UNC79: variants seen among roughly 807,000 people sequenced by gnomAD.
The protein encoded by UNC79 is unc-79 subunit of NALCN channel complex.
In UNC79, 37 loss-of-function variants were observed where a neutral mutation model predicts 283.1. The observed-to-expected ratio is 0.13, with a 90% CI of 0.10 to 0.17. The LOEUF (loss-of-function observed/expected upper bound fraction) is 0.17. Among genes scored for constraint, UNC79 ranks in the 10% least tolerant of loss-of-function variants. The pLI is 1.00. For missense variants in UNC79, 2,272 were observed against 3,211.1 expected, an observed-to-expected ratio of 0.71 and a Z score of 7.07; for synonymous variants, 1,107 against 1,200.2, an observed-to-expected ratio of 0.92 and a Z score of 1.61.
At chr14:93,441,277 A>G (rs1281232021) in intron 1 of UNC79, among the ~76,000 whole-genome samples, 1 of 151,894 alleles carries the variant, frequency 6.6e-6, no homozygotes, top group African/African-American at 2.4e-5. Context: ...TGTTTGCCTG[A>G]TATATCTTTT....
chr14:93,390,885 A>G (rs2054869642), intron 1 of UNC79, among the ~76,000 whole-genome samples: 1 of 152,158 alleles, frequency 6.6e-6, no homozygotes. Flanking sequence ...TATCTCCTCA[A>G]TTTATCTGTA....
intron 1 of UNC79, among the ~76,000 whole-genome samples, chr14:93,459,442 T>G (rs1273541479): frequency 1.3e-5 from 2 of 152,248 alleles, no homozygotes; most frequent in Non-Finnish European, 2.9e-5. Flanking sequence ...GCAGTTTTAC[T>G]TAGTGAAATA....
Position 93,630,394 on chromosome 14 carries a change from C to T in UNC79, c.5609-407C>T, listed in dbSNP as rs57864094. Reference sequence around the variant, plus strand: ...GAGGAATTTTCTATATAAATTGAGACGCAAATGATAAGTAGGAAATTGTCA... The same window carrying T: ...GAGGAATTTTCTATATAAATTGAGATGCAAATGATAAGTAGGAAATTGTCA... On this transcript the variant is annotated intron_variant, in intron 30 of 48. Coordinates refer to ENST00000555664, the Ensembl canonical transcript of UNC79. 7.3e-3 allele frequency among the ~76,000 whole-genome samples: 1,104 copies of T among 152,240 alleles called. 7 individuals carry two copies. Among genetic ancestry groups the T allele is most frequent in the African/African-American group, 0.022 (914 of 41,534 alleles).
At position 93,416,538 on chromosome 14, in the gene UNC79, T is replaced by C. The variant is rs572247852; in HGVS notation, c.-350-51133T>C. ...GAGTTCTGTAGATGTCTATTAGGTC[T>C]GCTTGGTGCAGAGCTGAGTTCAATT... On this transcript the variant is annotated intron_variant, in intron 1 of 49. Coordinates refer to the UNC79 transcript ENST00000256339. Among the ~76,000 whole-genome samples the C allele has an allele frequency of 9.0e-4, 137 of 152,328 alleles. 3 individuals carry two copies. Among genetic ancestry groups the C allele is most frequent in the Admixed American group, 3.1e-3 (47 of 15,304 alleles).
At chr14:93,585,840 A>G (rs2064182024) in intron 20 of UNC79, among the ~76,000 whole-genome samples, 1 of 150,602 alleles carries the variant, frequency 6.6e-6, no homozygotes, top group Admixed American at 6.6e-5. Context: ...CATGGGATAA[A>G]CCTCTTCAGT....
In UNC79 at chr14:93,690,388, G is replaced by A. The variant is rs985500507; in HGVS notation, c.7272+85G>A. 1 of 1,450,776 alleles carries A rather than the reference G, an allele frequency of 6.9e-7. No individual in the cohort carries two copies. Among genetic ancestry groups the A allele is most frequent in the Admixed American group, 2.1e-5 (1 of 48,726 alleles). 89.9% of individuals were successfully genotyped at this position (1,450,776 alleles called of 1,614,324 possible). Reference sequence around the variant, plus strand: ...CAGCCAATTATGTTTCTTCTGAGAAGAAAATACATCTTATCATTTGCCCTC... The same window carrying A: ...CAGCCAATTATGTTTCTTCTGAGAAAAAAATACATCTTATCATTTGCCCTC... On this transcript the variant is annotated intron_variant, in intron 45 of 48. Coordinates refer to ENST00000555664, the Ensembl canonical transcript of UNC79. This position sits in a 1 kb window ranked among gnomAD's most constrained non-coding sequence, Gnocchi z 4.3.
At chr14:93,671,634 T>A (rs571521774) in intron 40 of UNC79, among the ~76,000 whole-genome samples, 1 of 152,158 alleles carries the variant, frequency 6.6e-6, no homozygotes, top group Non-Finnish European at 1.5e-5. Flanking sequence ...TAACTGGGCA[T>A]GATGGCACAT....
intron 30 of UNC79, among the ~76,000 whole-genome samples, chr14:93,627,047 G>A (rs1449481596): frequency 4.6e-5 from 7 of 152,144 alleles, no homozygotes; most frequent in Non-Finnish European, 8.8e-5. Context: ...ACAACATGGT[G>A]ATACCCTGTC....
intron 7 of UNC79, among the ~76,000 whole-genome samples, chr14:93,520,474 C>T (rs926615558): frequency 6.6e-6 from 1 of 151,800 alleles, no homozygotes; most frequent in African/African-American, 2.4e-5. Context: ...TAGCCATTGT[C>T]TCTTCAAATA....
chr14:93,411,372 TGCTGCCCTG>T (rs1350819264), intron 1 of UNC79, among the ~76,000 whole-genome samples: 1 of 152,200 alleles, frequency 6.6e-6, no homozygotes, highest in East Asian at 1.9e-4. Context: ...TGGGGGAACT[TGCTGCCCTG>T]AAGGGAAGGA....
At chr14:93,657,551 C>T (rs1362977725) in intron 38 of UNC79, among the ~76,000 whole-genome samples, 3 of 152,084 alleles carry the variant, frequency 2.0e-5, no homozygotes, top group African/African-American at 7.2e-5. Context: ...CGGGGTTTCA[C>T]CATGTTAGCC....
intron 1 of UNC79, among the ~76,000 whole-genome samples, chr14:93,346,670 A>AG (rs35850305): frequency 0.073 from 11,189 of 152,284 alleles, 864 homozygotes; most frequent in African/African-American, 0.19. Context: ...TTTGCATTAG[A>AG]AACAGTGTGC....
At chr14:93,647,497 A>G (rs1383854073) in intron 35 of UNC79, among the ~76,000 whole-genome samples, 1 of 152,216 alleles carries the variant, frequency 6.6e-6, no homozygotes, top group Non-Finnish European at 1.5e-5. Context: ...TCCATGCAGT[A>G]ATTTATAGAA....
exon 19 of UNC79, chr14:93,580,294 T>C (rs985181362): frequency 2.5e-6 from 4 of 1,614,086 alleles, no homozygotes; most frequent in Middle Eastern, 1.6e-4. Flanking sequence ...GAGTGCAACT[T>C]ATGTCAGTCT....
intron 23 of UNC79, among the ~76,000 whole-genome samples, chr14:93,595,927 T>G (rs1306120113): frequency 6.6e-6 from 1 of 152,154 alleles, no homozygotes; most frequent in Non-Finnish European, 1.5e-5. Context: ...TACATATGTG[T>G]GCTTAATATA....
At chr14:93,558,665 G>C (rs1333389245) in intron 14 of UNC79, among the ~76,000 whole-genome samples, 1 of 133,120 alleles carries the variant, frequency 7.5e-6, no homozygotes, top group African/African-American at 2.9e-5. Flanking sequence ...TTTGCACAGA[G>C]AGCGAGAGGC....
intron 3 of UNC79, among the ~76,000 whole-genome samples, chr14:93,476,708 A>G (rs1180866602): frequency 6.6e-6 from 1 of 152,222 alleles, no homozygotes; most frequent in Non-Finnish European, 1.5e-5. Flanking sequence ...CTGATGGCCT[A>G]TATTTTGGGA....
chr14:93,652,031 G>A (rs560824552), intron 35 of UNC79, among the ~76,000 whole-genome samples: 1 of 150,696 alleles, frequency 6.6e-6, no homozygotes, highest in South Asian at 2.1e-4. Context: ...CAAAGTGCTG[G>A]GATTACAGGC....
At chr14:93,447,543 C>T (rs951618604) in intron 1 of UNC79, among the ~76,000 whole-genome samples, 2 of 151,458 alleles carry the variant, frequency 1.3e-5, no homozygotes, top group African/African-American at 4.8e-5. Flanking sequence ...TAGTCTTTTG[C>T]ATTTACCAAG....
Sources: allele counts gnomAD v4.1 joint callset (sites outside exome capture counted in the v4.1 genomes callset), GRCh38; gene constraint gnomAD v4.1.1; non-coding constraint Gnocchi (gnomAD v3.1); transcripts MANE v1.5; gene names NCBI Gene and HGNC (gene_info 2026-07-23, HGNC 2026-07-21).